Variants in PCBP3 observed in about 807,000 individuals in gnomAD.
The protein encoded by PCBP3 is poly(rC)-binding protein 3.
PCBP3 carries 25 observed loss-of-function variants against 52.7 expected under a neutral mutation model. The ratio of observed to expected loss-of-function variants is 0.47; its 90% CI spans 0.35 to 0.66. The LOEUF (loss-of-function observed/expected upper bound fraction) is 0.66, where lower values mean the gene tolerates loss of function less well. Ranked by LOEUF, PCBP3 falls within the 30% of genes least tolerant of loss-of-function variation. The probability of loss-of-function intolerance (pLI) is 0.01; values close to 1 mark genes in which losing one functional copy is unlikely to be tolerated. For synonymous variants in PCBP3, 162 were observed against 183.0 expected, an observed-to-expected ratio of 0.89 and a Z score of 0.93; for missense variants, 391 against 490.3, an observed-to-expected ratio of 0.80 and a Z score of 1.91.
At position 45,918,765 on chromosome 21, in the gene PCBP3, G is replaced by A. The variant is rs192867070; in HGVS notation, c.717+1136G>A. On this transcript the variant is annotated intron_variant, in intron 13 of 17. Transcript: ENST00000681687. ...AGAAGTTACTCTCAGATAAACGGTC[G>A]GTGTAATTCCAGTGCTGGGGGAAGA... The A allele has an allele frequency of 4.4e-3, 647 of 146,564 alleles. 9 individuals carry two copies. The highest frequency in any genetic ancestry group is 6.9e-3 in the Middle Eastern group (2 of 290). 9.1% of individuals were successfully genotyped at this position (146,564 alleles called of 1,614,324 possible).
intron 4 of PCBP3, among the ~76,000 whole-genome samples, chr21:45,841,647 T>C (rs990798724): frequency 4.6e-5 from 7 of 152,234 alleles, no homozygotes; most frequent in African/African-American, 1.7e-4. Context: ...TTATCATACT[T>C]TTACTTCTTT....
chr21:45,661,853 T>C (rs2147082351), intron 1 of PCBP3, among the ~76,000 whole-genome samples: 1 of 152,372 alleles, frequency 6.6e-6, no homozygotes, highest in East Asian at 1.9e-4. Flanking sequence ...TGTAAGATGA[T>C]ATCTCATTGT....
chr21:45,697,894 C>T (rs1026521468), intron 2 of PCBP3, among the ~76,000 whole-genome samples: 6 of 152,154 alleles, frequency 3.9e-5, no homozygotes, highest in Admixed American at 3.3e-4. Flanking sequence ...GACTTCTCCT[C>T]TGTTGTGTGA....
intron 5 of PCBP3, among the ~76,000 whole-genome samples, chr21:45,856,331 G>C (rs1297718113): frequency 6.6e-6 from 1 of 152,206 alleles, no homozygotes; most frequent in Non-Finnish European, 1.5e-5. Flanking sequence ...ATTGATTCCA[G>C]GCCTTCAGAT....
At chr21:45,911,216 T>C (rs1490634914) in intron 11 of PCBP3, 186 bp downstream of exon 11, 2 of 695,536 alleles carry the variant, frequency 2.9e-6, no homozygotes, top group East Asian at 2.7e-5. Flanking sequence ...GTGCTGGGGC[T>C]GCCAGCTCAG....
At position 45,924,966 on chromosome 21, in the gene PCBP3, A is replaced by G. The variant is rs1344844785; in HGVS notation, c.718-4951A>G. 6.6e-5 allele frequency among the ~76,000 whole-genome samples: 4 copies of G among 60,834 alleles called. 1 individual carries two copies. The highest frequency in any genetic ancestry group is 1.2e-4 in the Non-Finnish European group (4 of 32,128). The allele number at this position is 60,834 out of a possible 152,430, so 39.9% of individuals were successfully genotyped here. A position where few individuals can be genotyped will look rare whatever the true frequency, so the allele number is the denominator to read the frequency against. ...GTGAGGAGATGCGAACACCGGGAACAGTCGTGTGGGTAGAAACAGCACACG... is the reference window on the plus strand; with the variant it reads ...GTGAGGAGATGCGAACACCGGGAACGGTCGTGTGGGTAGAAACAGCACACG... On this transcript the variant is annotated intron_variant, in intron 13 of 17. Transcript: ENST00000681687.
chr21:45,927,836 A>G (rs387320), intron 13 of PCBP3, among the ~76,000 whole-genome samples: 53,774 of 151,918 alleles, frequency 0.35, 10,180 homozygotes, highest in African/African-American at 0.44. Context: ...CACGGCCACA[A>G]GCTGAGCCAT....
chr21:45,646,097 C>CTT (rs2079267524), intron 1 of PCBP3, among the ~76,000 whole-genome samples: 17 of 89,010 alleles, frequency 1.9e-4, no homozygotes, highest in African/African-American at 5.4e-4. Flanking sequence ...CTCTCTCTCT[C>CTT]TCTCTCTCTC....
chr21:45,718,359 C>T (rs1357990815), intron 2 of PCBP3, among the ~76,000 whole-genome samples: 3 of 151,596 alleles, frequency 2.0e-5, no homozygotes, highest in African/African-American at 7.3e-5. Context: ...TTGTTTCCTT[C>T]CTTCTGCTTG....
intron 2 of PCBP3, among the ~76,000 whole-genome samples, chr21:45,729,421 G>A (rs8133966): frequency 0.19 from 28,777 of 152,070 alleles, 2,906 homozygotes; most frequent in Middle Eastern, 0.33. Flanking sequence ...CCTAGGAGGG[G>A]AGTTGCTGTC....
chr21:45,685,223 A>G (rs551657274), intron 2 of PCBP3, among the ~76,000 whole-genome samples: 99 of 152,322 alleles, frequency 6.5e-4, no homozygotes, highest in Non-Finnish European at 1.2e-3. Context: ...AACATGGGGA[A>G]TGGGTTTTAA....
chr21:45,799,998 A>G (rs995901885), intron 4 of PCBP3, among the ~76,000 whole-genome samples: 8 of 152,112 alleles, frequency 5.3e-5, no homozygotes, highest in Non-Finnish European at 7.4e-5. Context: ...GCTGTCGGGG[A>G]GGGTCCTCTC....
chr21:45,733,845 CCTG>C (rs754317392), intron 2 of PCBP3, among the ~76,000 whole-genome samples: 2 of 152,168 alleles, frequency 1.3e-5, no homozygotes, highest in Non-Finnish European at 2.9e-5. Context: ...GAGTGATCTG[CCTG>C]CCTCTGCCTC....
intron 15 of PCBP3, among the ~76,000 whole-genome samples, chr21:45,934,208 C>A (rs1425123678): frequency 3.9e-5 from 6 of 152,146 alleles, no homozygotes; most frequent in Non-Finnish European, 7.4e-5. Flanking sequence ...AGGGCCCAGG[C>A]TGAGCTGCAG....
intron 16 of PCBP3, among the ~76,000 whole-genome samples, chr21:45,939,449 G>T (rs1354180667): frequency 6.6e-6 from 1 of 152,382 alleles, no homozygotes; most frequent in Middle Eastern, 3.4e-3. Flanking sequence ...TTAAACAGGG[G>T]TCCCAACAGG....
intron 1 of PCBP3, among the ~76,000 whole-genome samples, chr21:45,662,149 T>G (rs1603181464): frequency 1.3e-5 from 2 of 152,168 alleles, no homozygotes; most frequent in African/African-American, 4.8e-5. Context: ...TTAAGTCCCA[T>G]TTGTCTATTT....
intron 1 of PCBP3, among the ~76,000 whole-genome samples, chr21:45,651,011 G>A (rs1050158109): frequency 3.9e-5 from 6 of 152,140 alleles, no homozygotes; most frequent in Non-Finnish European, 7.3e-5. Context: ...TTGAGTGAGC[G>A]TGGGAACAGA....
chr21:45,679,831 T>C (rs2081723934), intron 2 of PCBP3, among the ~76,000 whole-genome samples: 1 of 152,250 alleles, frequency 6.6e-6, no homozygotes, highest in African/African-American at 2.4e-5. Context: ...TAGTTTTACA[T>C]TTTATATTTG....
intron 5 of PCBP3, among the ~76,000 whole-genome samples, chr21:45,889,791 A>C (rs902896785): frequency 3.9e-5 from 6 of 152,236 alleles, no homozygotes; most frequent in African/African-American, 1.4e-4. Flanking sequence ...TGGCACTGGC[A>C]TCCAGGGAAC....
Sources: allele counts gnomAD v4.1 joint callset (sites outside exome capture counted in the v4.1 genomes callset), GRCh38; gene constraint gnomAD v4.1.1; transcripts MANE v1.5; gene names NCBI Gene and HGNC (gene_info 2026-07-23, HGNC 2026-07-21).